RORA: variants seen among roughly 807,000 people sequenced by gnomAD.
RORA encodes RAR related orphan receptor A.
In RORA, 7 loss-of-function variants were observed where a neutral mutation model predicts 69.5. The observed-to-expected ratio is 0.10, with a 90% CI of 0.06 to 0.19. The LOEUF (loss-of-function observed/expected upper bound fraction) is 0.19. Ranked by LOEUF, RORA falls within the 10% of genes least tolerant of loss-of-function variation. The pLI, the probability that RORA is intolerant of heterozygous loss-of-function variation, is 1.00. For missense variants in RORA, 457 were observed against 663.0 expected, an observed-to-expected ratio of 0.69 and a Z score of 3.41; for synonymous variants, 261 against 240.8, an observed-to-expected ratio of 1.08 and a Z score of -0.78.
intron 1 of RORA, among the ~76,000 whole-genome samples, chr15:61,148,915 A>G (rs2079374181): frequency 6.6e-6 from 1 of 152,202 alleles, no homozygotes; most frequent in Admixed American, 6.5e-5. Context: ...AAGCGTGTGG[A>G]CTGCAGAAGG....
chr15:61,160,259 C>T (rs558622554), intron 1 of RORA, among the ~76,000 whole-genome samples: 25 of 152,304 alleles, frequency 1.6e-4, no homozygotes, highest in African/African-American at 6.0e-4. Context: ...ATTACTGATG[C>T]TCATAAAGCG....
chr15:61,082,552 C>G (rs1278191401), intron 1 of RORA, among the ~76,000 whole-genome samples: 1 of 152,110 alleles, frequency 6.6e-6, no homozygotes, highest in African/African-American at 2.4e-5. Flanking sequence ...CAAAACCTGC[C>G]CCTACAGAGG....
At chr15:60,736,924 A>G (rs943944092) in intron 1 of RORA, 3 of 152,208 alleles carry the variant, frequency 2.0e-5, no homozygotes, top group African/African-American at 4.8e-5. Context: ...CACCTTCCCA[A>G]TGCCTCGAAG....
rs2079488956 is a variant in RORA at position 61,160,890 on chromosome 15, T to A, written c.166+68163A>T. On this transcript the variant is annotated intron_variant, in intron 1 of 10. Transcript: ENST00000335670. Reference sequence around the variant, plus strand: ...CAATCATTTGCCCAATGAATGAAGGTTTCCCATGGAAATCTGGGAAGAATG... The same window carrying A: ...CAATCATTTGCCCAATGAATGAAGGATTCCCATGGAAATCTGGGAAGAATG... Among the ~76,000 whole-genome samples, 4 of 152,156 alleles carry A rather than the reference T, an allele frequency of 2.6e-5. No individual in the cohort carries two copies. The South Asian group carries it at 8.3e-4, about 32-fold the overall frequency.
At chr15:61,045,105 T>C (rs947567760) in intron 1 of RORA, among the ~76,000 whole-genome samples, 2 of 152,136 alleles carry the variant, frequency 1.3e-5, no homozygotes, top group African/African-American at 2.4e-5. Flanking sequence ...TCCACCCACA[T>C]CTCATCTTGA....
chr15:61,073,016 A>C (rs2078390182), intron 1 of RORA, among the ~76,000 whole-genome samples: 1 of 152,236 alleles, frequency 6.6e-6, no homozygotes, highest in African/African-American at 2.4e-5. Flanking sequence ...CACCAAAAGA[A>C]GACTTTGAAA....
chr15:60,517,073 G>A (rs990069261), intron 3 of RORA, among the ~76,000 whole-genome samples: 1 of 145,508 alleles, frequency 6.9e-6, no homozygotes, highest in Non-Finnish European at 1.5e-5. Flanking sequence ...AGTTGGTGGG[G>A]CCAATCAGAT....
At chr15:60,645,973 T>A (rs921666878) in intron 2 of RORA, among the ~76,000 whole-genome samples, 1 of 152,182 alleles carries the variant, frequency 6.6e-6, no homozygotes, top group African/African-American at 2.4e-5. Context: ...CCGCACCATA[T>A]GTGAGCATGA....
intron 1 of RORA, among the ~76,000 whole-genome samples, chr15:60,767,658 C>T (rs770072914): frequency 6.6e-6 from 1 of 152,218 alleles, no homozygotes; most frequent in Non-Finnish European, 1.5e-5. Context: ...ACACTTCTCA[C>T]TGTACCCGAG....
At chr15:61,166,195 TCC>T in intron 1 of RORA, among the ~76,000 whole-genome samples, 1 of 152,162 alleles carries the variant, frequency 6.6e-6, no homozygotes, top group Non-Finnish European at 1.5e-5. Flanking sequence ...AAGAACTCTT[TCC>T]TTAAGAGGTT....
rs144254805 is a variant in RORA at position 60,633,370 on chromosome 15, A to C, written c.196+45287T>G. Among the ~76,000 whole-genome samples the C allele has an allele frequency of 4.4e-3, 665 of 152,338 alleles. 4 individuals are homozygous for C. Among genetic ancestry groups the C allele is most frequent in the East Asian group, 0.018 (94 of 5,186 alleles). On this transcript the variant is annotated intron_variant, in intron 2 of 10. Transcript: ENST00000335670. ...ATTATTTGTGTGGAAGCATAGTGTG[A>C]TTTTTCTCAAACCACAAAGCATTTC...
chr15:60,790,327 C>T (rs894115582), intron 1 of RORA, among the ~76,000 whole-genome samples: 10 of 152,130 alleles, frequency 6.6e-5, no homozygotes, highest in African/African-American at 1.9e-4. Flanking sequence ...TGCAGGTTTT[C>T]GAAGACTACA....
At chr15:61,050,427 A>T (rs746209434) in intron 1 of RORA, among the ~76,000 whole-genome samples, 8 of 152,268 alleles carry the variant, frequency 5.3e-5, no homozygotes. Flanking sequence ...TTCCATGGTT[A>T]GAATTTAATA....
chr15:60,698,102 G>A (rs554439429), intron 1 of RORA, among the ~76,000 whole-genome samples: 1 of 152,268 alleles, frequency 6.6e-6, no homozygotes, highest in East Asian at 1.9e-4. Context: ...TGTAGACATT[G>A]TATCAAGTCT....
chr15:60,653,884 G>C (rs550873993), intron 2 of RORA, among the ~76,000 whole-genome samples: 1 of 152,134 alleles, frequency 6.6e-6, no homozygotes, highest in African/African-American at 2.4e-5. Flanking sequence ...TTGTGTTTCA[G>C]ATACCCTAGG....
At chr15:60,657,211 G>A (rs2070234117) in intron 2 of RORA, among the ~76,000 whole-genome samples, 2 of 152,070 alleles carry the variant, frequency 1.3e-5, no homozygotes, top group Non-Finnish European at 2.9e-5. Flanking sequence ...AGCTACCTAC[G>A]CATTTCTGCC....
intron 1 of RORA, among the ~76,000 whole-genome samples, chr15:61,034,788 C>CAAA (rs33933996): frequency 2.4e-5 from 2 of 82,948 alleles, no homozygotes; most frequent in Admixed American, 1.3e-4. Flanking sequence ...CATCACAGAC[C>CAAA]AAAAAAAAAA....
intron 2 of RORA, among the ~76,000 whole-genome samples, chr15:60,639,620 A>G (rs1342935244): frequency 6.6e-6 from 1 of 152,218 alleles, no homozygotes; most frequent in Admixed American, 6.5e-5. Context: ...AGCTGGACAG[A>G]TCCTTGCCAC....
At chr15:60,695,208 C>T (rs765523802) in intron 1 of RORA, among the ~76,000 whole-genome samples, 109 of 152,210 alleles carry the variant, frequency 7.2e-4, no homozygotes, top group Admixed American at 2.6e-3. Flanking sequence ...GCCCCACCCA[C>T]GTTCCTAGAA....
Sources: allele counts gnomAD v4.1 joint callset (sites outside exome capture counted in the v4.1 genomes callset), GRCh38; gene constraint gnomAD v4.1.1; transcripts MANE v1.5; gene names NCBI Gene and HGNC (gene_info 2026-07-23, HGNC 2026-07-21).